Variants in GULP1 observed in about 807,000 individuals in gnomAD.
GULP1 encodes the protein PTB domain-containing engulfment adapter protein 1.
Under a neutral mutation model 40.9 loss-of-function variants are expected in GULP1, and 19 were observed. The observed-to-expected ratio is 0.46, with a 90% CI of 0.32 to 0.68. The LOEUF (loss-of-function observed/expected upper bound fraction) is 0.68, where lower values mean the gene tolerates loss of function less well. Among genes scored for constraint, GULP1 ranks in the 30% least tolerant of loss-of-function variants. The pLI is 0.03. For synonymous variants in GULP1, 119 were observed against 117.6 expected (o/e 1.01, Z -0.08); for missense variants, 312 against 362.2 (o/e 0.86, Z 1.12).
At chr2:188,484,420 G>A (rs6434282) in intron 4 of GULP1, among the ~76,000 whole-genome samples, 148,309 of 152,264 alleles carry the variant, frequency 0.97, 72,363 homozygotes, top group East Asian at 1. Context: ...ACTTGTAATA[G>A]TTTTCAGAGA....
chr2:188,569,924 G>T, intron 8 of GULP1, 104 bp from the exon 9 acceptor site: 1 of 554,420 alleles, frequency 1.8e-6, no homozygotes. Context: ...GCACAACAAA[G>T]TACATTAAAG....
intron 1 of GULP1, among the ~76,000 whole-genome samples, chr2:188,352,768 T>A (rs1396432240): frequency 6.6e-6 from 1 of 152,096 alleles, no homozygotes; most frequent in African/African-American, 2.4e-5. Context: ...GTCTTCAGCC[T>A]CACTATTGAG....
chr2:188,437,391 A>G (rs2152845600), intron 2 of GULP1, among the ~76,000 whole-genome samples: 1 of 152,232 alleles, frequency 6.6e-6, no homozygotes, highest in African/African-American at 2.4e-5. Context: ...GAGGTGAAAA[A>G]GCATTTCTTT....
chr2:188,430,089 CACTT>C (rs1359326952), intron 2 of GULP1, among the ~76,000 whole-genome samples: 1 of 152,090 alleles, frequency 6.6e-6, no homozygotes, highest in Non-Finnish European at 1.5e-5. Context: ...CTAAGTCAGA[CACTT>C]AATTTAGTGT....
At chr2:188,576,184 C>T (rs918075232) in intron 9 of GULP1, among the ~76,000 whole-genome samples, 3 of 151,698 alleles carry the variant, frequency 2.0e-5, no homozygotes, top group Non-Finnish European at 4.4e-5. Context: ...GATGCTTATT[C>T]GATGGCTGAA....
intron 2 of GULP1, among the ~76,000 whole-genome samples, chr2:188,449,406 T>A (rs1308970767): frequency 6.6e-6 from 1 of 152,190 alleles, no homozygotes; most frequent in Non-Finnish European, 1.5e-5. Context: ...TGAGTCTCTA[T>A]GATTTGCAGC....
At chr2:188,347,723 C>T (rs2043882844) in intron 1 of GULP1, among the ~76,000 whole-genome samples, 1 of 151,572 alleles carries the variant, frequency 6.6e-6, no homozygotes, top group African/African-American at 2.4e-5. Flanking sequence ...AAGTGATCCT[C>T]CCACCTCATA....
chr2:188,441,094 G>T (rs1288090861), intron 2 of GULP1, among the ~76,000 whole-genome samples: 1 of 152,032 alleles, frequency 6.6e-6, no homozygotes, highest in Non-Finnish European at 1.5e-5. Context: ...TGTCCAATTT[G>T]TGGTGGATAA....
At chr2:188,400,079 G>C (rs763153352) in intron 2 of GULP1, among the ~76,000 whole-genome samples, 6 of 152,092 alleles carry the variant, frequency 3.9e-5, no homozygotes, top group Non-Finnish European at 2.9e-5. Context: ...ATGGAGGATA[G>C]AAGCTCAAAA....
intron 4 of GULP1, among the ~76,000 whole-genome samples, chr2:188,494,125 G>A (rs2062675298): frequency 6.6e-6 from 1 of 151,926 alleles, no homozygotes; most frequent in South Asian, 2.1e-4. Flanking sequence ...GAAAGAGTAG[G>A]TCCCTAAAGG....
At chr2:188,475,429 C>T (rs542746645) in intron 2 of GULP1, among the ~76,000 whole-genome samples, 4 of 151,854 alleles carry the variant, frequency 2.6e-5, no homozygotes, top group Admixed American at 6.6e-5. Context: ...CATTTATATG[C>T]CCCCAAGTTG....
intron 7 of GULP1, among the ~76,000 whole-genome samples, chr2:188,554,134 C>T (rs888399874): frequency 1.3e-5 from 2 of 151,894 alleles, no homozygotes; most frequent in Admixed American, 1.3e-4. Context: ...TTTTTAGTCT[C>T]TATTTCATTT....
At chr2:188,527,656 G>A (rs1380534115) in intron 5 of GULP1, among the ~76,000 whole-genome samples, 1 of 152,102 alleles carries the variant, frequency 6.6e-6, no homozygotes, top group East Asian at 1.9e-4. Flanking sequence ...ACCTAAGTTC[G>A]TAGAGCAAGA....
intron 2 of GULP1, among the ~76,000 whole-genome samples, chr2:188,446,202 AC>A (rs1363496873): frequency 6.6e-6 from 1 of 152,080 alleles, no homozygotes; most frequent in African/African-American, 2.4e-5. Flanking sequence ...ATATATGATT[AC>A]CTAAATAGAG....
At chr2:188,308,808 T>C (rs1417197326) in intron 1 of GULP1, among the ~76,000 whole-genome samples, 1 of 152,142 alleles carries the variant, frequency 6.6e-6, no homozygotes, top group Non-Finnish European at 1.5e-5. Context: ...TTTCTAGAAG[T>C]TTTTCTTGAA....
At chr2:188,437,359 G>A (rs989325195) in intron 2 of GULP1, among the ~76,000 whole-genome samples, 2 of 151,972 alleles carry the variant, frequency 1.3e-5, no homozygotes, top group East Asian at 1.9e-4. Flanking sequence ...TATACATTGC[G>A]ATCATCTGTT....
At chr2:188,502,383 A>T (rs1327405836) in intron 4 of GULP1, among the ~76,000 whole-genome samples, 1 of 151,950 alleles carries the variant, frequency 6.6e-6, no homozygotes, top group Non-Finnish European at 1.5e-5. Flanking sequence ...TTTAATAAAG[A>T]TACTATTTCA....
intron 3 of GULP1, among the ~76,000 whole-genome samples, chr2:188,482,858 G>A (rs1337363412): frequency 6.6e-6 from 1 of 151,602 alleles, no homozygotes; most frequent in Non-Finnish European, 1.5e-5. Context: ...TTCAATCAGT[G>A]TTTCCTCAAA....
chr2:188,447,068 A>G (rs925885433), intron 2 of GULP1, among the ~76,000 whole-genome samples: 3 of 152,170 alleles, frequency 2.0e-5, no homozygotes, highest in African/African-American at 7.2e-5. Context: ...CCCACCAGAA[A>G]GGTGAGACAA....
Sources: gnomAD v4.1 joint callset for allele counts (sites outside exome capture counted in the v4.1 genomes callset) on GRCh38, gnomAD v4.1.1 for gene constraint, MANE v1.5 for transcripts, NCBI Gene and HGNC (gene_info 2026-07-23, HGNC 2026-07-21) for gene names.